The following DCAF6 variants were observed in gnomAD, a reference collection of about 807,000 sequenced individuals.
The protein encoded by DCAF6 is DDB1 and CUL4 associated factor 6.
DCAF6 carries 54 observed loss-of-function variants against 125.1 expected under a neutral mutation model. The observed-to-expected ratio is 0.43, with a 90% CI of 0.35 to 0.54. The LOEUF (loss-of-function observed/expected upper bound fraction) is 0.54. DCAF6 is among the 20% of genes least tolerant of loss of function. The pLI, the probability that DCAF6 is intolerant of heterozygous loss-of-function variation, is 0.01. For synonymous variants in DCAF6, 371 were observed against 390.4 expected (o/e 0.95, Z 0.58); for missense variants, 934 against 1,161.7 (o/e 0.80, Z 2.85).
At chr1:168,065,316 A>G (rs971289187) in intron 18 of DCAF6, among the ~76,000 whole-genome samples, 4 of 151,040 alleles carry the variant, frequency 2.6e-5, no homozygotes, top group African/African-American at 9.7e-5. Flanking sequence ...GATTTTTGTC[A>G]GTTTTTTTTT....
intron 12 of DCAF6, among the ~76,000 whole-genome samples, chr1:168,024,940 A>C (rs181695231): frequency 1.1e-4 from 17 of 152,306 alleles, no homozygotes; most frequent in African/African-American, 4.1e-4. Flanking sequence ...TGAATGAATG[A>C]ATTGGTAAAT....
the DCAF6 span, among the ~76,000 whole-genome samples, chr1:167,903,225 C>A: frequency 1.3e-5 from 2 of 151,574 alleles, no homozygotes; most frequent in African/African-American, 2.4e-5. Flanking sequence ...CACTGCACTC[C>A]AGCCTGGGAG....
chr1:167,993,130 CA>C, intron 6 of DCAF6, 95 bp from the exon 7 acceptor site: 1 of 1,053,668 alleles, frequency 9.5e-7, no homozygotes, highest in Non-Finnish European at 1.4e-6. Flanking sequence ...TGTATTGCTA[CA>C]TTAAGTCACA....
chr1:167,872,685 G>A, the DCAF6 span, among the ~76,000 whole-genome samples: 1 of 151,110 alleles, frequency 6.6e-6, no homozygotes, highest in Non-Finnish European at 1.5e-5. Flanking sequence ...GACAATCTGT[G>A]TTTGGTTATA....
intron 5 of DCAF6, among the ~76,000 whole-genome samples, chr1:167,990,873 T>A (rs1680727703): frequency 6.6e-6 from 1 of 152,180 alleles, no homozygotes; most frequent in Non-Finnish European, 1.5e-5. Flanking sequence ...CTTTAATTGG[T>A]TTATAAGGAA....
chr1:168,063,617 A>G lies in DCAF6; in HGVS notation c.2301-4A>G. 3.9e-6 allele frequency: 6 copies of G among 1,542,238 alleles called. No homozygotes were observed. The highest frequency in any genetic ancestry group is 2.6e-6 in the Non-Finnish European group (3 of 1,151,370). On this transcript the variant is annotated splice_region_variant and splice_polypyrimidine_tract_variant and intron_variant, in intron 17 of 21. Coordinates refer to ENST00000367840, the MANE Select transcript of DCAF6 (RefSeq NM_001198956.2). The stretch of plus-strand genomic sequence containing the variant: ...TTTGTTTTTTTAATATGTAATTCAT[A>G]TAGACGCTCTGCTGTTGCCCGTATT...
intron 2 of DCAF6, among the ~76,000 whole-genome samples, chr1:167,953,669 G>A (rs1313639714): frequency 2.0e-5 from 3 of 152,006 alleles, no homozygotes; most frequent in Non-Finnish European, 4.4e-5. Context: ...GTGCAATCTT[G>A]GCTCACTGCA....
intron 20 of DCAF6, 56 bp from the exon 21 acceptor site, chr1:168,068,302 A>G (rs1692599861): frequency 3.1e-6 from 4 of 1,301,180 alleles, no homozygotes; most frequent in Non-Finnish European, 3.3e-6. Context: ...CTGATCTTCA[A>G]GGAAAAAATA....
At chr1:167,888,377 A>T in the DCAF6 span, among the ~76,000 whole-genome samples, 2 of 152,042 alleles carry the variant, frequency 1.3e-5, no homozygotes, top group Non-Finnish European at 2.9e-5. Context: ...TAGTATGAAC[A>T]TTCTTCCAAT....
the DCAF6 span, among the ~76,000 whole-genome samples, chr1:167,916,479 T>C: frequency 1.3e-5 from 2 of 152,340 alleles, no homozygotes; most frequent in Middle Eastern, 3.4e-3. Context: ...AGTGCTCGGA[T>C]TACAGGCGTG....
chr1:167,912,891 G>T, the DCAF6 span, among the ~76,000 whole-genome samples: 1 of 152,328 alleles, frequency 6.6e-6, no homozygotes, highest in South Asian at 2.1e-4. Context: ...AAGCACAGAG[G>T]TATTAACTTG....
At chr1:167,990,784 A>G (rs1465778231) in intron 5 of DCAF6, among the ~76,000 whole-genome samples, 1 of 152,116 alleles carries the variant, frequency 6.6e-6, no homozygotes, top group East Asian at 1.9e-4. Flanking sequence ...CCTTTTTAGA[A>G]TGTATTTAAT....
chr1:167,947,845 GT>G (rs1361552246), intron 1 of DCAF6, among the ~76,000 whole-genome samples: 1 of 152,182 alleles, frequency 6.6e-6, no homozygotes, highest in Non-Finnish European at 1.5e-5. Flanking sequence ...ATATTCTGCA[GT>G]TGTTGGATAG....
intron 4 of DCAF6, among the ~76,000 whole-genome samples, 182 bp from the exon 5 acceptor site, chr1:167,987,310 ACTT>A (rs1213198073): frequency 2.0e-5 from 3 of 152,200 alleles, no homozygotes; most frequent in East Asian, 1.9e-4. Context: ...TTCAACAATT[ACTT>A]CTTATCTATT....
intron 7 of DCAF6, among the ~76,000 whole-genome samples, 163 bp downstream of exon 7, chr1:167,993,603 G>A (rs890116055): frequency 6.6e-6 from 1 of 152,174 alleles, no homozygotes; most frequent in Admixed American, 6.5e-5. Context: ...CACAAAATTA[G>A]CTGAGCGTGG....
chr1:168,001,565 CAAG>C (rs1557957934), intron 7 of DCAF6, among the ~76,000 whole-genome samples: 1 of 152,082 alleles, frequency 6.6e-6, no homozygotes, highest in Non-Finnish European at 1.5e-5. Context: ...AGAATTTTCT[CAAG>C]AAGCTTAAGT....
chr1:168,004,629 C>T lies in DCAF6; in HGVS notation c.1214C>T (p.Ala405Val), dbSNP rs1371422339. ...ACTGCAATGGAAGTAGATACTCCAG[C>T]TGAACAATTTCTTCAGCCTTCTACA... ...SETAMEVDTP[A>V]EQFLQPSTSS... The change falls in exon 10 of 22, where the codon GCT becomes GTT. Residue 405 changes from alanine (A) to valine (V), a missense_variant. Ala to Val is a moderately conservative substitution (Grantham distance 64). Coordinates refer to ENST00000367840, the MANE Select transcript of DCAF6 (RefSeq NM_001198956.2). 1.2e-6 allele frequency: 2 copies of T among 1,613,410 alleles called. No homozygotes were observed. The highest frequency in any genetic ancestry group is 8.5e-7 in the Non-Finnish European group (1 of 1,179,738).
the DCAF6 span, among the ~76,000 whole-genome samples, chr1:167,925,442 C>CGTGTATATATATATATAT: frequency 2.4e-5 from 2 of 82,474 alleles, no homozygotes; most frequent in African/African-American, 1.0e-4. Context: ...TACATATACA[C>CGTGTATATATATATATAT]ATATATATAT....
the DCAF6 span, among the ~76,000 whole-genome samples, chr1:167,899,213 G>A: frequency 2.6e-5 from 4 of 152,258 alleles, no homozygotes; most frequent in East Asian, 7.7e-4. Context: ...CCATAAAGAA[G>A]CCTAATCATT....
Sources: gnomAD v4.1 joint callset for allele counts (sites outside exome capture counted in the v4.1 genomes callset) on GRCh38, gnomAD v4.1.1 for gene constraint, MANE v1.5 for transcripts, NCBI Gene and HGNC (gene_info 2026-07-23, HGNC 2026-07-21) for gene names.